The following PTPRC variants were observed in gnomAD, a reference collection of about 807,000 sequenced individuals.
The protein encoded by PTPRC is protein tyrosine phosphatase receptor type C.
Under a neutral mutation model 155.9 loss-of-function variants are expected in PTPRC, and 44 were observed. The ratio of observed to expected loss-of-function variants is 0.28; its 90% CI spans 0.22 to 0.36. PTPRC has a LOEUF of 0.36. PTPRC is among the 10% of genes least tolerant of loss of function. The probability of loss-of-function intolerance (pLI) is 1.00; values close to 1 mark genes in which losing one functional copy is unlikely to be tolerated. For missense variants in PTPRC, 1,401 were observed against 1,564.6 expected (o/e 0.90, Z 1.76); for synonymous variants, 525 against 533.1 (o/e 0.98, Z 0.21).
chr1:198,643,425 A>T (rs1571771805), intron 2 of PTPRC, among the ~76,000 whole-genome samples: 1 of 151,952 alleles, frequency 6.6e-6, no homozygotes, highest in East Asian at 1.9e-4. Flanking sequence ...AGAATATGAG[A>T]TAAAAAAATT....
At chr1:198,696,582 T>C in intron 3 of PTPRC, 130 bp from the exon 4 acceptor site, 1 of 783,332 alleles carries the variant, frequency 1.3e-6, no homozygotes, top group Non-Finnish European at 2.3e-6. Flanking sequence ...GGTGTGTGCA[T>C]ATGTATGTGT....
intron 26 of PTPRC, among the ~76,000 whole-genome samples, chr1:198,745,797 C>T (rs879235498): frequency 1.3e-5 from 2 of 151,446 alleles, no homozygotes; most frequent in Admixed American, 1.3e-4. Context: ...TGAATGATGA[C>T]TGAGGTGGAA....
intron 2 of PTPRC, among the ~76,000 whole-genome samples, chr1:198,658,257 T>G (rs1663714116): frequency 6.6e-6 from 1 of 152,212 alleles, no homozygotes. Context: ...CTGATGAGGC[T>G]CTATAATTCT....
chr1:198,691,863 C>T (rs1665945104), intron 2 of PTPRC, among the ~76,000 whole-genome samples: 1 of 152,028 alleles, frequency 6.6e-6, no homozygotes, highest in Admixed American at 6.6e-5. Context: ...TGTCATCACA[C>T]TGTATTGATT....
chr1:198,718,024 A>G (rs1571866073), intron 13 of PTPRC, 70 bp from the exon 14 acceptor site: 1 of 1,252,324 alleles, frequency 8.0e-7, no homozygotes, highest in South Asian at 1.3e-5. Context: ...TACTATATCC[A>G]AGTATTGTCA....
chr1:198,727,606 A>G (rs573073028), intron 15 of PTPRC, among the ~76,000 whole-genome samples: 1 of 152,308 alleles, frequency 6.6e-6, no homozygotes, highest in South Asian at 2.1e-4. Flanking sequence ...GTTCCCAACT[A>G]AGAAGTGGTA....
At chr1:198,706,364 C>T (rs1652969014) in intron 8 of PTPRC, among the ~76,000 whole-genome samples, 1 of 152,172 alleles carries the variant, frequency 6.6e-6, no homozygotes, top group African/African-American at 2.4e-5. Flanking sequence ...TCAAATGCAT[C>T]ATTTATTTGT....
chr1:198,725,531 C>G (rs530771638), intron 15 of PTPRC, among the ~76,000 whole-genome samples: 28 of 152,262 alleles, frequency 1.8e-4, no homozygotes, highest in African/African-American at 5.5e-4. Flanking sequence ...CACAGTAGGA[C>G]AGGAAGATAG....
rs1299024089 is a variant in PTPRC, at chr1:198,744,280, T to C, written c.2847+77T>C. 4 of 1,394,340 alleles carry C rather than the reference T, an allele frequency of 2.9e-6. No individual in the cohort carries two copies. In the Admixed American group the frequency reaches 5.7e-5, roughly 20 times the overall value. The allele number at this position is 1,394,340 out of a possible 1,614,324, so 86.4% of individuals were successfully genotyped here. A position where few individuals can be genotyped will look rare whatever the true frequency, so the allele number is the denominator to read the frequency against. On this transcript the variant is annotated intron_variant, in intron 26 of 32. Coordinates refer to ENST00000442510, the MANE Select transcript of PTPRC (RefSeq NM_002838.5). ...TCATCTACTTTCTAGGTGTTTGCTA[T>C]GCACTTGACATAGTGCTTGCATTTA...
chr1:198,727,767 A>G (rs1654205159), intron 15 of PTPRC, among the ~76,000 whole-genome samples: 1 of 152,152 alleles, frequency 6.6e-6, no homozygotes, highest in South Asian at 2.1e-4. Flanking sequence ...TCCCTAGGAA[A>G]GGGCAGGATT....
chr1:198,711,852 A>T (rs1346788232), intron 11 of PTPRC, among the ~76,000 whole-genome samples: 1 of 152,224 alleles, frequency 6.6e-6, no homozygotes, highest in Admixed American at 6.5e-5. Flanking sequence ...GGTGGTTAAT[A>T]AGCACATTAA....
chr1:198,732,238 G>T, intron 18 of PTPRC, 62 bp from the exon 19 acceptor site: 3 of 1,297,152 alleles, frequency 2.3e-6, no homozygotes, highest in Non-Finnish European at 3.3e-6. Flanking sequence ...AACGGTCATT[G>T]GTAAGGGGGA....
At position 198,699,624 on chromosome 1, in the gene PTPRC, C is replaced by T. The variant is rs767130769; in HGVS notation, c.359C>T (p.Ala120Val). ...CACGCAGACTCGCAGACGCCCTCTGCTGGAACTGACACGCAGACATTCAGC... is the reference window on the plus strand; with the variant it reads ...CACGCAGACTCGCAGACGCCCTCTGTTGGAACTGACACGCAGACATTCAGC... The part of the protein sequence containing the change: ...PTHADSQTPS[A>V]GTDTQTFSGS... Residue 120 changes from alanine (A) to valine (V), a missense_variant, in exon 5 of 33, where the codon GCT becomes GTT. Physicochemically the swap from Ala to Val is moderately conservative, Grantham distance 64. This residue lies in a region of PTPRC where 867 missense variants were observed against 970.4 expected (regional missense o/e 0.89). Coordinates refer to ENST00000442510, the MANE Select transcript of PTPRC (RefSeq NM_002838.5). The T allele has an allele frequency of 3.7e-6, 6 of 1,614,088 alleles. No homozygotes were observed. The South Asian group carries it at 4.4e-5, about 12-fold the overall frequency.
In PTPRC at chr1:198,752,176, G is replaced by T. The variant is rs1366962250; in HGVS notation, c.3208-73G>T. The stretch of plus-strand genomic sequence containing the variant: ...AGAGGCACAGACAGAGAAAGAAAGG[G>T]AGAAAGAGGGAGACTGATCCTTTGC... On this transcript the variant is annotated intron_variant, in intron 29 of 32. Transcript: ENST00000442510. 4.0e-6 allele frequency: 6 copies of T among 1,491,474 alleles called. No individual in the cohort carries two copies. In the African/African-American group the frequency reaches 8.3e-5, roughly 21 times the overall value. 92.4% of individuals were successfully genotyped at this position (1,491,474 alleles called of 1,614,324 possible). A position where few individuals can be genotyped will look rare whatever the true frequency, so the allele number is the denominator to read the frequency against.
At chr1:198,659,542 T>C (rs998058015) in intron 2 of PTPRC, among the ~76,000 whole-genome samples, 5 of 150,788 alleles carry the variant, frequency 3.3e-5, no homozygotes, top group African/African-American at 9.9e-5. Flanking sequence ...AGAATACATA[T>C]ATATTTTTTT....
chr1:198,668,785 T>C (rs1013358995), intron 2 of PTPRC, among the ~76,000 whole-genome samples: 8 of 152,102 alleles, frequency 5.3e-5, no homozygotes, highest in African/African-American at 9.7e-5. Context: ...CCTTTCAGAG[T>C]TGGGGAATCC....
Position 198,709,740 on chromosome 1 carries a change from CATGAGT to C in PTPRC, c.1090_1095del (p.Glu364_Tyr365del). The C allele has an allele frequency of 6.2e-7, 1 of 1,607,786 alleles. No individual in the cohort carries two copies. ...TAAATTAGAAAACCTTGAACCCGAA[CATGAGT>C]ATAAGTGTGACTCAGAAATACTCTA... On this transcript the variant is annotated inframe_deletion, in exon 11 of 33. Coordinates refer to ENST00000442510, the MANE Select transcript of PTPRC (RefSeq NM_002838.5).
chr1:198,718,424 A>G lies in PTPRC; in HGVS notation c.1659+122A>G, dbSNP rs1653709496. On this transcript the variant is annotated intron_variant, in intron 14 of 32. Transcript: ENST00000442510. ...TTGAGAAGCTCTGATGTGTAATGGA[A>G]TCACACTTAAAGAGTCTCAAATATT... 3.5e-6 allele frequency: 3 copies of G among 866,282 alleles called. No individual in the cohort carries two copies. In the African/African-American group the frequency reaches 5.1e-5, roughly 15 times the overall value. The allele number at this position is 866,282 out of a possible 1,614,324, so 53.7% of individuals were successfully genotyped here.
chr1:198,639,527 A>G (rs184778190), intron 2 of PTPRC, among the ~76,000 whole-genome samples, 186 bp downstream of exon 2: 80 of 152,218 alleles, frequency 5.3e-4, no homozygotes, highest in Admixed American at 6.6e-4. Flanking sequence ...TTCTGTTTAC[A>G]AAGACATAAA....
Sources: gnomAD v4.1 joint callset for allele counts (sites outside exome capture counted in the v4.1 genomes callset) on GRCh38, gnomAD v4.1.1 for gene constraint, gnomAD v4.1.1 regional missense constraint, MANE v1.5 for transcripts, NCBI Gene and HGNC (gene_info 2026-07-23, HGNC 2026-07-21) for gene names.